The following NAA11 variants were observed in gnomAD, a reference collection of about 807,000 sequenced individuals.
NAA11 encodes the protein N-alpha-acetyltransferase 11, NatA catalytic subunit, also known as N-alpha-acetyltransferase 11.
NAA11 carries 15 observed loss-of-function variants against 16.1 expected under a neutral mutation model. The observed-to-expected ratio is 0.93, with a 90% CI of 0.62 to 1.44. The LOEUF is 1.44. NAA11 is among the 40% of genes most tolerant of loss of function. The probability of loss-of-function intolerance (pLI) is 0.00; values close to 1 mark genes in which losing one functional copy is unlikely to be tolerated. For missense variants in NAA11, 298 were observed against 291.3 expected (o/e 1.02, Z -0.17); for synonymous variants, 122 against 112.4 (o/e 1.09, Z -0.54).
the NAA11 span, among the ~76,000 whole-genome samples, chr4:79,165,716 G>T: frequency 6.6e-6 from 1 of 152,186 alleles, no homozygotes; most frequent in Non-Finnish European, 1.5e-5. Flanking sequence ...AAAATGGGCT[G>T]CAGAGACTGG....
Position 79,232,523 on chromosome 4 carries a change from T to C in NAA11, c.*123-6253A>G, listed in dbSNP as rs569123251. Reference sequence around the variant, plus strand: ...AATAGTTTGTTGGCTTTCACATTTATGCAGCAGATACCTGGGAAAGCCAGG... The same window carrying C: ...AATAGTTTGTTGGCTTTCACATTTACGCAGCAGATACCTGGGAAAGCCAGG... On this transcript the variant is annotated intron_variant and NMD_transcript_variant, in intron 2 of 2. Transcript: ENST00000511542. Among the ~76,000 whole-genome samples the C allele has an allele frequency of 4.9e-4, 74 of 152,130 alleles. No homozygotes were observed. In the South Asian group the frequency reaches 0.015, roughly 31 times the overall value.
chr4:79,185,999 G>T, the NAA11 span, among the ~76,000 whole-genome samples: 1 of 152,138 alleles, frequency 6.6e-6, no homozygotes. Context: ...ATTAAAAACA[G>T]TGTTTTGTGT....
At chr4:79,256,669 T>TATATATATATATATATATATATA (rs1560427608) in intron 2 of NAA11, among the ~76,000 whole-genome samples, 2 of 146,862 alleles carry the variant, frequency 1.4e-5, no homozygotes, top group African/African-American at 5.0e-5. Context: ...TATATATATA[T>TATATATATATATATATATATATA]TGACACGAGG....
chr4:79,284,102 C>A (rs1722856331), intron 2 of NAA11, among the ~76,000 whole-genome samples: 1 of 152,006 alleles, frequency 6.6e-6, no homozygotes, highest in South Asian at 2.1e-4. Context: ...TGTCTCTAAA[C>A]CCAAAAACAA....
At chr4:79,202,555 C>G in the NAA11 span, among the ~76,000 whole-genome samples, 2 of 137,584 alleles carry the variant, frequency 1.5e-5, no homozygotes, top group African/African-American at 5.2e-5. Context: ...CACACACACA[C>G]CCCATATGTA....
chr4:79,216,944 T>C, the NAA11 span, among the ~76,000 whole-genome samples: 1 of 152,230 alleles, frequency 6.6e-6, no homozygotes, highest in Non-Finnish European at 1.5e-5. Flanking sequence ...AAATTCAAAT[T>C]GAGTGCACCT....
At chr4:79,208,057 TA>T in the NAA11 span, among the ~76,000 whole-genome samples, 11 of 152,084 alleles carry the variant, frequency 7.2e-5, no homozygotes, top group Non-Finnish European at 1.5e-4. Flanking sequence ...TTTACAGAAA[TA>T]AAATAACTAC....
intron 2 of NAA11, among the ~76,000 whole-genome samples, chr4:79,254,603 G>T (rs1360198450): frequency 6.7e-6 from 1 of 150,240 alleles, no homozygotes; most frequent in Non-Finnish European, 1.5e-5. Flanking sequence ...AACACTATAG[G>T]ATTAATGGGA....
intron 2 of NAA11, among the ~76,000 whole-genome samples, chr4:79,292,240 T>G (rs962157820): frequency 9.2e-5 from 14 of 152,202 alleles, no homozygotes; most frequent in African/African-American, 3.1e-4. Context: ...GAGCAAACAC[T>G]AGGCCCTTTT....
intron 2 of NAA11, among the ~76,000 whole-genome samples, chr4:79,290,751 T>C (rs1723061312): frequency 6.6e-6 from 1 of 152,090 alleles, no homozygotes; most frequent in Non-Finnish European, 1.5e-5. Flanking sequence ...ATGATTGAGG[T>C]CAGAAGAGGG....
chr4:79,215,204 C>T, the NAA11 span, among the ~76,000 whole-genome samples: 1 of 152,104 alleles, frequency 6.6e-6, no homozygotes, highest in Non-Finnish European at 1.5e-5. Context: ...AGTCAATAGT[C>T]CTACTAAATA....
chr4:79,277,591 G>A (rs1373448867), intron 2 of NAA11, among the ~76,000 whole-genome samples: 2 of 151,450 alleles, frequency 1.3e-5, no homozygotes, highest in African/African-American at 4.9e-5. Context: ...AATCTTTTTT[G>A]ATTACCTACT....
the NAA11 span, among the ~76,000 whole-genome samples, chr4:79,186,572 T>A: frequency 6.6e-6 from 1 of 152,228 alleles, no homozygotes; most frequent in African/African-American, 2.4e-5. Flanking sequence ...TAAAAGCCAA[T>A]CAGTGAACAA....
At chr4:79,161,472 T>C in the NAA11 span, among the ~76,000 whole-genome samples, 2 of 152,202 alleles carry the variant, frequency 1.3e-5, no homozygotes, top group African/African-American at 4.8e-5. Flanking sequence ...CCCAAATTTA[T>C]TTTTTTCCAA....
chr4:79,189,453 G>T, the NAA11 span, among the ~76,000 whole-genome samples: 304 of 152,282 alleles, frequency 2.0e-3, no homozygotes, highest in African/African-American at 7.2e-3. Context: ...TGGCTGGAAC[G>T]TAAGGAGAAA....
intron 1 of NAA11, among the ~76,000 whole-genome samples, chr4:79,322,984 C>CA (rs546915918): frequency 4.1e-4 from 62 of 149,566 alleles, no homozygotes; most frequent in Non-Finnish European, 6.5e-4. Flanking sequence ...CATTAAAATG[C>CA]AAAAAAAAAG....
intron 1 of NAA11, among the ~76,000 whole-genome samples, chr4:79,304,043 C>T (rs1019084912): frequency 3.3e-5 from 5 of 152,116 alleles, no homozygotes; most frequent in African/African-American, 9.7e-5. Flanking sequence ...GACAGCTCTT[C>T]GACCATCATG....
chr4:79,287,779 T>C (rs1444026800), intron 2 of NAA11, among the ~76,000 whole-genome samples: 1 of 152,182 alleles, frequency 6.6e-6, no homozygotes, highest in East Asian at 1.9e-4. Context: ...ATATTTTAAC[T>C]GTTGGATAGC....
chr4:79,157,924 CG>C, the NAA11 span, among the ~76,000 whole-genome samples: 2 of 129,334 alleles, frequency 1.5e-5, no homozygotes, highest in South Asian at 4.7e-4. Flanking sequence ...TTTTTTGAGA[CG>C]GAGTCTTGCT....
Sources: gnomAD v4.1 joint callset for allele counts (sites outside exome capture counted in the v4.1 genomes callset) on GRCh38, gnomAD v4.1.1 for gene constraint, MANE v1.5 for transcripts, NCBI Gene and HGNC (gene_info 2026-07-23, HGNC 2026-07-21) for gene names.